CKM: variants seen among roughly 807,000 people sequenced by gnomAD.
The protein encoded by CKM is creatine kinase M-type.
A neutral mutation model predicts 35.4 loss-of-function variants in CKM; 28 were observed. The observed-to-expected ratio is 0.79, with a 90% CI of 0.59 to 1.08. CKM has a LOEUF of 1.08. Ranked by LOEUF, CKM falls within the 50% of genes least tolerant of loss-of-function variation. The pLI, the probability that CKM is intolerant of heterozygous loss-of-function variation, is 0.00. For synonymous variants in CKM, 215 were observed against 204.4 expected, an observed-to-expected ratio of 1.05 and a Z score of -0.44; for missense variants, 484 against 509.8, an observed-to-expected ratio of 0.95 and a Z score of 0.49.
intron 5 of CKM, among the ~76,000 whole-genome samples, chr19:45,309,717 C>G (rs1971089610): frequency 6.6e-6 from 1 of 151,936 alleles, no homozygotes; most frequent in African/African-American, 2.4e-5. Flanking sequence ...CGAAAACTAG[C>G]TGGGCACAGT....
At position 45,315,446 on chromosome 19, in the gene CKM, A is replaced by G. The variant is rs768418116; in HGVS notation, c.481+19T>C. The G allele has an allele frequency of 6.3e-7, 1 of 1,597,304 alleles. No individual in the cohort carries two copies. The highest frequency in any genetic ancestry group is 8.5e-7 in the Non-Finnish European group (1 of 1,178,748). On this transcript the variant is annotated intron_variant, in intron 4 of 7. Coordinates refer to ENST00000221476, the MANE Select transcript of CKM (RefSeq NM_001824.5). ...CAGGGCTGGGTGACCCCAGCAGTGG[A>G]CGGGGTAGGGGCGCTCACCTTCCAC...
rs779335456 is a variant in CKM at position 45,306,904 on chromosome 19, C to CCCACGGCAGCTGTGT, written c.977_991dup (p.Asp326_Val330dup). The CCCACGGCAGCTGTGT allele has an allele frequency of 3.1e-6, 5 of 1,614,062 alleles. No homozygotes were observed. The highest frequency in any genetic ancestry group is 4.2e-6 in the Non-Finnish European group (5 of 1,180,048). ...AGCGTTGGACACGTCAAATACTGAG[C>CCCACGGCAGCTGTGT]CCACGGCAGCTGTGTCCACGCCACC... On this transcript the variant is annotated inframe_insertion, in exon 8 of 8. Transcript: ENST00000221476. This position sits in a 1 kb window ranked among gnomAD's most constrained non-coding sequence, Gnocchi z 4.5.
chr19:45,317,830 G>A lies in CKM; in HGVS notation c.343C>T (p.Leu115Phe). 3 of 1,613,946 alleles carry A rather than the reference G, an allele frequency of 1.9e-6. No homozygotes were observed. The highest frequency in any genetic ancestry group is 2.5e-6 in the Non-Finnish European group (3 of 1,179,998). ...KHKTDLNHEN[L>F]KGGDDLDPNY... The stretch of plus-strand genomic sequence containing the variant: ...CCTCCTGCGCAGACACCGACCTTGA[G>A]GTTTTCATGGTTGAGGTCAGTCTTG... The change falls in exon 3 of 8, where the codon CTC (leucine) becomes TTC (phenylalanine). Residue 115 changes from leucine (L) to phenylalanine (F), a missense_variant. Transcript: ENST00000221476.
At chr19:45,309,863 AAAAT>A (rs774298840) in intron 5 of CKM, among the ~76,000 whole-genome samples, 4 of 152,054 alleles carry the variant, frequency 2.6e-5, no homozygotes, top group Non-Finnish European at 5.9e-5. Flanking sequence ...AGTCCATCTC[AAAAT>A]AAATAAATAA....
At chr19:45,315,639 C>T (rs375613733) in intron 3 of CKM, 42 bp from the exon 4 acceptor site, 3 of 1,597,320 alleles carry the variant, frequency 1.9e-6, no homozygotes, top group Non-Finnish European at 2.5e-6. Flanking sequence ...AGATCCTCCG[C>T]CCTCTCCAGC....
Position 45,311,961 on chromosome 19 carries a change from C to T in CKM, c.482-41G>A, listed in dbSNP as rs533773240. The T allele has an allele frequency of 5.7e-5, 92 of 1,610,696 alleles. No homozygotes were observed. The South Asian group carries it at 9.9e-4, about 17-fold the overall frequency. ...AGGGAGTGGTCAGCAGCCTGTCCCACCTCAACCAGGGTGTGGAGGCCCAGG... is the reference window on the plus strand; with the variant it reads ...AGGGAGTGGTCAGCAGCCTGTCCCATCTCAACCAGGGTGTGGAGGCCCAGG... On this transcript the variant is annotated intron_variant, in intron 4 of 7. Transcript: ENST00000221476.
intron 4 of CKM, among the ~76,000 whole-genome samples, chr19:45,312,952 T>A (rs1456731461): frequency 3.7e-5 from 5 of 135,980 alleles, no homozygotes; most frequent in East Asian, 2.2e-4. Flanking sequence ...AGATTCTGTC[T>A]AAAAAAAAAA....
Position 45,307,511 on chromosome 19 carries a change from G to A in CKM, c.917C>T (p.Pro306Leu). ...HVKLAHLSKH[P>L]KFEEILTRLR... The stretch of plus-strand genomic sequence containing the variant: ...GCGGGTGAGGATCTCCTCGAACTTG[G>A]GGTGCTTGCTCAGGTGCGCCAGCTT... The change falls in exon 7 of 8, where the codon CCC becomes CTC. Residue 306 changes from proline (P) to leucine (L), a missense_variant. Physicochemically the swap from Pro to Leu is moderately conservative, Grantham distance 98. Coordinates refer to ENST00000221476, the MANE Select transcript of CKM (RefSeq NM_001824.5). 1.2e-6 allele frequency: 2 copies of A among 1,613,978 alleles called. No homozygotes were observed. Among genetic ancestry groups the A allele is most frequent in the Non-Finnish European group, 1.7e-6 (2 of 1,179,910 alleles).
At chr19:45,308,896 C>G (rs1358664292) in intron 5 of CKM, among the ~76,000 whole-genome samples, 3 of 152,148 alleles carry the variant, frequency 2.0e-5, no homozygotes, top group Non-Finnish European at 2.9e-5. Flanking sequence ...AGTGTGTTAG[C>G]TCCCAATCCT....
rs3047558 is a variant in CKM at position 45,310,759 on chromosome 19, CTTTTTTTTTTTT to C, written c.653+978_653+989del. Reference sequence around the variant, plus strand: ...CACAGGTATACGCCATCACGCCTGGCTTTTTTTTTTTTTTTTTTTTTTTTTTTTTTTTGAGAC... The same window carrying C: ...CACAGGTATACGCCATCACGCCTGGCTTTTTTTTTTTTTTTTTTTTGAGAC... On this transcript the variant is annotated intron_variant, in intron 5 of 7. Transcript: ENST00000221476. Among the ~76,000 whole-genome samples, 153 of 50,266 alleles carry C rather than the reference CTTTTTTTTTTTT, an allele frequency of 3.0e-3. 1 individual carries two copies. Among genetic ancestry groups the C allele is most frequent in the East Asian group, 8.8e-3 (18 of 2,034 alleles). The allele number at this position is 50,266 out of a possible 152,430, so 33.0% of individuals were successfully genotyped here.
chr19:45,311,690 G>A (rs564114744), intron 5 of CKM, 59 bp downstream of exon 5: 311 of 1,441,414 alleles, frequency 2.2e-4, no homozygotes, highest in Non-Finnish European at 2.5e-4. Context: ...GAGGAGGGCC[G>A]TTGCAGGACT....
intron 1 of CKM, among the ~76,000 whole-genome samples, chr19:45,321,119 G>C (rs918814007): frequency 6.6e-6 from 1 of 150,726 alleles, no homozygotes; most frequent in Non-Finnish European, 1.5e-5. Flanking sequence ...GGCCAGGCTG[G>C]TCTTGAACTC....
In CKM at chr19:45,311,484, G is replaced by A. The variant is rs942152328; in HGVS notation, c.653+265C>T. Among the ~76,000 whole-genome samples the A allele has an allele frequency of 3.3e-5, 5 of 150,376 alleles. No individual in the cohort carries two copies. The South Asian group carries it at 6.3e-4, about 19-fold the overall frequency. On this transcript the variant is annotated intron_variant, in intron 5 of 7. Coordinates refer to ENST00000221476, the MANE Select transcript of CKM (RefSeq NM_001824.5). ...CAAGTGATCCCCCCGCCTTGGCCTC[G>A]CAAAGTGCAGGGATTACAGGCATGA...
Position 45,306,856 on chromosome 19 carries a change from A to G in CKM, c.1040T>C (p.Val347Ala), listed in dbSNP as rs1365522201. The change falls in exon 8 of 8, where the codon GTA (valine) becomes GCA (alanine). Residue 347 changes from valine (V) to alanine (A), a missense_variant. By Grantham distance (64) the Val-to-Ala change is moderately conservative (BLOSUM62 0). Transcript: ENST00000221476. This position sits in a 1 kb window ranked among gnomAD's most constrained non-coding sequence, Gnocchi z 4.5. The stretch of plus-strand genomic sequence containing the variant: ...ATCCACCACCAGCTGCACCTGTTCT[A>G]CTTCGGACGAGCCCAGCCGATCAGC... Reference protein sequence around the residue: ...SNADRLGSSEVEQVQLVVDGV... With the variant: ...SNADRLGSSEAEQVQLVVDGV... 2 of 1,614,056 alleles carry G rather than the reference A, an allele frequency of 1.2e-6. No homozygotes were observed. Among genetic ancestry groups the G allele is most frequent in the Admixed American group, 1.7e-5 (1 of 60,002 alleles).
chr19:45,319,659 C>T lies in CKM; in HGVS notation c.55G>A (p.Glu19Lys). ...TTATGTTTGCTGAGGTCGGGGTACT[C>T]CTCCTCAGGCTTGTAATTCAGCTTG... is the stretch of plus-strand genomic sequence containing the variant. ...KFKLNYKPEE[E>K]YPDLSKHNNH... The change falls in exon 2 of 8, where the codon GAG (glutamate) becomes AAG (lysine). Residue 19 changes from glutamate to lysine, a missense_variant. By Grantham distance (56) the Glu-to-Lys change is moderately conservative. Coordinates refer to ENST00000221476, the MANE Select transcript of CKM (RefSeq NM_001824.5). 1 of 1,614,184 alleles carries T rather than the reference C, an allele frequency of 6.2e-7. No individual in the cohort carries two copies. The highest frequency in any genetic ancestry group is 8.5e-7 in the Non-Finnish European group (1 of 1,180,026).
At chr19:45,309,084 T>G (rs1971082921) in intron 5 of CKM, among the ~76,000 whole-genome samples, 1 of 150,400 alleles carries the variant, frequency 6.6e-6, no homozygotes, top group African/African-American at 2.5e-5. Flanking sequence ...AAAAAAAATC[T>G]GGGCATGGTG....
chr19:45,308,309 G>A, intron 6 of CKM, 100 bp downstream of exon 6: 1 of 1,462,974 alleles, frequency 6.8e-7, no homozygotes, highest in East Asian at 2.3e-5. Context: ...TGGAAAATGG[G>A]TGGGGCAGGG....
chr19:45,307,884 T>TC (rs1555768827), intron 6 of CKM, among the ~76,000 whole-genome samples: 79 of 146,584 alleles, frequency 5.4e-4, no homozygotes, highest in Middle Eastern at 3.5e-3. Context: ...TTTTTTTTTT[T>TC]CCAGAGTCTC....
intron 4 of CKM, among the ~76,000 whole-genome samples, chr19:45,312,611 G>A (rs903217701): frequency 2.6e-5 from 4 of 151,516 alleles, no homozygotes; most frequent in Admixed American, 6.6e-5. Flanking sequence ...TAGTAGAGAC[G>A]GGGTTTCTCC....
Sources: gnomAD v4.1 joint callset for allele counts (sites outside exome capture counted in the v4.1 genomes callset) on GRCh38, gnomAD v4.1.1 for gene constraint, Gnocchi (gnomAD v3.1) non-coding constraint, MANE v1.5 for transcripts, NCBI Gene and HGNC (gene_info 2026-07-23, HGNC 2026-07-21) for gene names.